The following SYN3 variants were observed in gnomAD, a reference collection of about 807,000 sequenced individuals.
SYN3 encodes synapsin-3.
In SYN3, 35 loss-of-function variants were observed where a neutral mutation model predicts 65.8. The observed-to-expected ratio is 0.53, with a 90% CI of 0.41 to 0.70. The LOEUF (loss-of-function observed/expected upper bound fraction) is 0.70. Among genes scored for constraint, SYN3 ranks in the 30% least tolerant of loss-of-function variants. SYN3 has a pLI of 0.00. For synonymous variants in SYN3, 270 were observed against 292.9 expected (o/e 0.92, Z 0.80); for missense variants, 680 against 749.0 (o/e 0.91, Z 1.08).
At chr22:33,018,937 C>G (rs1484906332) in intron 1 of SYN3, among the ~76,000 whole-genome samples, 1 of 152,194 alleles carries the variant, frequency 6.6e-6, no homozygotes, top group Non-Finnish European at 1.5e-5. Context: ...CTAACATCTT[C>G]AGCATCATCC....
At chr22:32,952,299 GGT>G (rs142987546) in intron 3 of SYN3, among the ~76,000 whole-genome samples, 8 of 150,346 alleles carry the variant, frequency 5.3e-5, no homozygotes, top group Admixed American at 6.6e-5. Context: ...TGTGTGGGGG[GGT>G]GTGTGTGTGT....
rs182895810 is a variant in SYN3, at chr22:32,741,480, T to C, written c.711+123435A>G. Among the ~76,000 whole-genome samples the C allele has an allele frequency of 5.9e-3, 893 of 150,456 alleles. 12 individuals carry two copies. The highest frequency in any genetic ancestry group is 0.02 in the African/African-American group (838 of 41,040). On this transcript the variant is annotated intron_variant, in intron 6 of 13. Transcript: ENST00000358763. ...ACACCATTCTCCTGCCTCAGCCTCCTGAGTAGCTGGGACTACAGGCGCCTG... is the reference window on the plus strand; with the variant it reads ...ACACCATTCTCCTGCCTCAGCCTCCCGAGTAGCTGGGACTACAGGCGCCTG...
chr22:32,667,578 G>A (rs2060305610), intron 6 of SYN3, among the ~76,000 whole-genome samples: 2 of 152,120 alleles, frequency 1.3e-5, no homozygotes, highest in South Asian at 4.1e-4. Flanking sequence ...CTGGGTCAAA[G>A]GGGATGCACA....
At chr22:32,809,846 G>A (rs5754292) in intron 6 of SYN3, among the ~76,000 whole-genome samples, 4 of 152,132 alleles carry the variant, frequency 2.6e-5, no homozygotes, top group Non-Finnish European at 4.4e-5. Flanking sequence ...TTGGTATATC[G>A]CTGTCCTTTG....
At chr22:32,949,957 G>A (rs1038342849) in intron 3 of SYN3, among the ~76,000 whole-genome samples, 1 of 152,192 alleles carries the variant, frequency 6.6e-6, no homozygotes, top group Non-Finnish European at 1.5e-5. Flanking sequence ...GTGACACAAC[G>A]AGATGTTGTC....
chr22:32,855,615 G>A (rs775514541), intron 6 of SYN3, among the ~76,000 whole-genome samples: 2 of 152,128 alleles, frequency 1.3e-5, no homozygotes, highest in African/African-American at 2.4e-5. Context: ...ATGGTGATTC[G>A]TGGGCTAATA....
At chr22:32,696,524 C>G (rs1206583274) in intron 6 of SYN3, among the ~76,000 whole-genome samples, 2 of 152,188 alleles carry the variant, frequency 1.3e-5, no homozygotes, top group African/African-American at 4.8e-5. Context: ...GAAGGGAGTA[C>G]AGTAAACATC....
chr22:32,661,506 ACTTT>A (rs1193397238), intron 6 of SYN3, among the ~76,000 whole-genome samples: 3 of 152,118 alleles, frequency 2.0e-5, no homozygotes, highest in Admixed American at 6.5e-5. Context: ...TTTCTTACTT[ACTTT>A]CTTTTTTTTC....
intron 6 of SYN3, among the ~76,000 whole-genome samples, chr22:32,695,889 A>T (rs1007545951): frequency 6.6e-6 from 1 of 151,164 alleles, no homozygotes; most frequent in Non-Finnish European, 1.5e-5. Flanking sequence ...GGGATCTTTT[A>T]TCTTACTTTC....
At chr22:33,034,748 C>T (rs1427512303) in intron 1 of SYN3, among the ~76,000 whole-genome samples, 2 of 152,120 alleles carry the variant, frequency 1.3e-5, no homozygotes, top group African/African-American at 4.8e-5. Flanking sequence ...ATGAGGAAAC[C>T]GAAGCTCAGG....
chr22:32,855,449 G>T (rs2048337515), intron 6 of SYN3, among the ~76,000 whole-genome samples: 1 of 152,148 alleles, frequency 6.6e-6, no homozygotes, highest in South Asian at 2.1e-4. Flanking sequence ...TAAGATAATG[G>T]GTAAGAGTAT....
chr22:32,723,636 C>G (rs1293961147), intron 6 of SYN3, among the ~76,000 whole-genome samples: 1 of 152,262 alleles, frequency 6.6e-6, no homozygotes, highest in Non-Finnish European at 1.5e-5. Context: ...ACCCTTAATT[C>G]ATGTGGAATT....
intron 6 of SYN3, among the ~76,000 whole-genome samples, chr22:32,709,705 T>C (rs140544942): frequency 0.021 from 3,157 of 151,772 alleles, 40 homozygotes; most frequent in Non-Finnish European, 0.032. Context: ...TCTTTTTTTT[T>C]CCCCCACAAC....
rs967486190 is a variant in SYN3 at position 33,018,166 on chromosome 22, A to G, written c.-162-11342T>C. Among the ~76,000 whole-genome samples, 4 of 152,330 alleles carry G rather than the reference A, an allele frequency of 2.6e-5. No individual in the cohort carries two copies. The South Asian group carries it at 8.3e-4, about 32-fold the overall frequency. On this transcript the variant is annotated intron_variant, in intron 1 of 13. Coordinates refer to ENST00000358763, the MANE Select transcript of SYN3 (RefSeq NM_003490.4). ...GATGTGTCTATGAAAGGAGCCAGAC[A>G]GGTTAGAAGGCCGTTGTAGTCATTT... is the stretch of plus-strand genomic sequence containing the variant.
intron 3 of SYN3, among the ~76,000 whole-genome samples, chr22:32,936,999 A>C (rs2050792904): frequency 6.6e-6 from 1 of 152,202 alleles, no homozygotes; most frequent in Non-Finnish European, 1.5e-5. Flanking sequence ...TCTCAGAAAA[A>C]ACTAAACCAC....
chr22:32,519,856 G>A (rs1430086693), intron 12 of SYN3, among the ~76,000 whole-genome samples: 1 of 152,118 alleles, frequency 6.6e-6, no homozygotes, highest in Non-Finnish European at 1.5e-5. Context: ...GGCACGTTAG[G>A]AGACTGAAAA....
chr22:32,767,364 T>C (rs1251959820), intron 6 of SYN3, among the ~76,000 whole-genome samples: 1 of 147,608 alleles, frequency 6.8e-6, no homozygotes, highest in African/African-American at 2.6e-5. Context: ...GGATTGCTCC[T>C]TCAAATGATT....
chr22:32,604,931 G>A (rs1475008515), intron 6 of SYN3, among the ~76,000 whole-genome samples: 2 of 151,356 alleles, frequency 1.3e-5, no homozygotes, highest in Non-Finnish European at 2.9e-5. Context: ...GTGTGAACCC[G>A]GGAGGTGGAG....
intron 6 of SYN3, chr22:32,862,055 C>T (rs533096588): frequency 5.2e-5 from 8 of 152,642 alleles, no homozygotes; most frequent in African/African-American, 1.9e-4. Flanking sequence ...TGAGACTCCT[C>T]CAGCCTCCTC....
Sources: allele counts gnomAD v4.1 joint callset (sites outside exome capture counted in the v4.1 genomes callset), GRCh38; gene constraint gnomAD v4.1.1; transcripts MANE v1.5; gene names NCBI Gene and HGNC (gene_info 2026-07-23, HGNC 2026-07-21).